The following FRAS1 variants were observed in gnomAD, a reference collection of about 807,000 sequenced individuals.
The protein encoded by FRAS1 is extracellular matrix organizing protein FRAS1.
FRAS1 carries 290 observed loss-of-function variants against 435.2 expected under a neutral mutation model. That is an observed-to-expected ratio of 0.67 (90% CI 0.61 to 0.73). The LOEUF (loss-of-function observed/expected upper bound fraction) is 0.73. Ranked by LOEUF, FRAS1 falls within the 30% of genes least tolerant of loss-of-function variation. The probability of loss-of-function intolerance (pLI) is 0.00; values close to 1 mark genes in which losing one functional copy is unlikely to be tolerated. For synonymous variants in FRAS1, 1,800 were observed against 1,851.0 expected, an observed-to-expected ratio of 0.97 and a Z score of 0.71; for missense variants, 4,860 against 5,001.5, an observed-to-expected ratio of 0.97 and a Z score of 0.85.
chr4:78,537,080 T>C lies in FRAS1; in HGVS notation c.11178T>C (p.Leu3726=), dbSNP rs373408305. The C allele has an allele frequency of 2.6e-5, 42 of 1,613,922 alleles. No homozygotes were observed. The African/African-American group carries it at 5.2e-4, about 20-fold the overall frequency. The change falls in exon 72 of 74, where the codon CTT becomes CTC. Residue 3726 remains leucine, a synonymous_variant. Coordinates refer to ENST00000512123, the MANE Select transcript of FRAS1 (RefSeq NM_025074.7). ...AACTCCAGCTGGAGAAAGTCTATCTTTGTACGGGCAAGGATGGTTATGTGC... is the reference window on the plus strand; with the variant it reads ...AACTCCAGCTGGAGAAAGTCTATCTCTGTACGGGCAAGGATGGTTATGTGC... The part of the protein sequence containing the change: ...AYKLQLEKVY[L]CTGKDGYVPF...
intron 2 of FRAS1, chr4:78,068,750 G>A: frequency 2.9e-6 from 1 of 344,176 alleles, no homozygotes; most frequent in Non-Finnish European, 5.7e-6. Context: ...ACAAGATTGA[G>A]AAAATATTTC....
chr4:78,355,721 C>T (rs964543527), intron 20 of FRAS1, among the ~76,000 whole-genome samples: 1 of 152,110 alleles, frequency 6.6e-6, no homozygotes, highest in Admixed American at 6.5e-5. Context: ...AAACAGTGAC[C>T]GTATACACTT....
At chr4:78,438,016 A>G (rs1734495208) in intron 38 of FRAS1, among the ~76,000 whole-genome samples, 1 of 151,986 alleles carries the variant, frequency 6.6e-6, no homozygotes, top group South Asian at 2.1e-4. Flanking sequence ...GACTTCATAC[A>G]TTCTTTTGTT....
intron 2 of FRAS1, among the ~76,000 whole-genome samples, chr4:78,172,748 G>C (rs974249656): frequency 2.0e-5 from 3 of 151,452 alleles, no homozygotes; most frequent in Non-Finnish European, 4.4e-5. Flanking sequence ...ATTTTTAAAA[G>C]TCACCATTTT....
At chr4:78,475,254 C>T (rs1037123457) in intron 53 of FRAS1, among the ~76,000 whole-genome samples, 184 bp from the exon 54 acceptor site, 17 of 152,216 alleles carry the variant, frequency 1.1e-4, no homozygotes, top group African/African-American at 3.6e-4. Context: ...CTGTTTGTTT[C>T]GTGCTCTGAT....
rs1190573842 is a variant in FRAS1, at chr4:78,066,020, G to A, written c.108+4G>A. 5.6e-6 allele frequency: 9 copies of A among 1,600,954 alleles called. No individual in the cohort carries two copies. The highest frequency in any genetic ancestry group is 7.7e-6 in the Non-Finnish European group (9 of 1,169,084). On this transcript the variant is annotated splice_donor_region_variant and intron_variant, in intron 2 of 73. Transcript: ENST00000512123. ...CTATCAGGATTCCTTGTTGGCGGTA[G>A]GTCATTCTTTACATACTTGGTTTCT...
At chr4:78,283,039 C>G in intron 12 of FRAS1, 72 bp downstream of exon 12, 4 of 1,163,814 alleles carry the variant, frequency 3.4e-6, no homozygotes, top group Non-Finnish European at 3.4e-6. Context: ...CTCTTCCCCA[C>G]CCCCTTGCTT....
At chr4:78,437,339 G>A (rs1734469162) in intron 38 of FRAS1, among the ~76,000 whole-genome samples, 1 of 152,184 alleles carries the variant, frequency 6.6e-6, no homozygotes, top group African/African-American at 2.4e-5. Flanking sequence ...GTCTCTCTCA[G>A]AGAGAACGCA....
chr4:78,199,400 C>G (rs1270137346), intron 2 of FRAS1, among the ~76,000 whole-genome samples: 2 of 152,130 alleles, frequency 1.3e-5, no homozygotes, highest in Non-Finnish European at 2.9e-5. Context: ...TCTTGATGAG[C>G]CTTCATGTAA....
chr4:78,358,646 TATA>T (rs1730958834), intron 20 of FRAS1, among the ~76,000 whole-genome samples: 1 of 152,302 alleles, frequency 6.6e-6, no homozygotes, highest in East Asian at 1.9e-4. Flanking sequence ...AAATGTAAAC[TATA>T]ATAATAATAT....
chr4:78,505,237 A>G (rs62310265), intron 61 of FRAS1, among the ~76,000 whole-genome samples: 71,886 of 151,772 alleles, frequency 0.47, 17,195 homozygotes, highest in South Asian at 0.58. Context: ...TACCTTTGTG[A>G]TGTTCTCTGT....
chr4:78,425,154 A>G (rs1733950892), intron 35 of FRAS1, among the ~76,000 whole-genome samples: 1 of 151,786 alleles, frequency 6.6e-6, no homozygotes, highest in African/African-American at 2.4e-5. Flanking sequence ...AAGAATGATT[A>G]TTGCTACATA....
Position 78,410,161 on chromosome 4 carries a change from G to A in FRAS1, c.4308+2320G>A, listed in dbSNP as rs1319143097. 2.6e-5 allele frequency among the ~76,000 whole-genome samples: 4 copies of A among 152,296 alleles called. 1 individual carries two copies. The South Asian group carries it at 6.2e-4, about 24-fold the overall frequency. ...AATCCTCAGATCTGCCTTTGCCTTC[G>A]TAGGGTGAGGAAGGAGAATGTTATC... is the stretch of plus-strand genomic sequence containing the variant. On this transcript the variant is annotated intron_variant, in intron 31 of 73. Coordinates refer to ENST00000512123, the MANE Select transcript of FRAS1 (RefSeq NM_025074.7).
At chr4:78,214,917 T>C (rs1269731071) in intron 2 of FRAS1, among the ~76,000 whole-genome samples, 1 of 152,200 alleles carries the variant, frequency 6.6e-6, no homozygotes, top group Admixed American at 6.5e-5. Flanking sequence ...CCAGTTGTTA[T>C]GATCTAGGAC....
intron 2 of FRAS1, among the ~76,000 whole-genome samples, chr4:78,076,016 T>C (rs1178755806): frequency 6.6e-6 from 1 of 152,170 alleles, no homozygotes; most frequent in Non-Finnish European, 1.5e-5. Flanking sequence ...AATCATTTGC[T>C]CTTGGATTCA....
At chr4:78,266,774 C>CT (rs1182771822) in intron 7 of FRAS1, 60 bp from the exon 8 acceptor site, 1 of 1,274,346 alleles carries the variant, frequency 7.8e-7, no homozygotes, top group African/African-American at 1.5e-5. Flanking sequence ...TGTGACAGTG[C>CT]TTCTATTTGA....
At chr4:78,476,887 T>G (rs1719867198) in intron 54 of FRAS1, among the ~76,000 whole-genome samples, 1 of 152,274 alleles carries the variant, frequency 6.6e-6, no homozygotes, top group South Asian at 2.1e-4. Context: ...TTCAGTTATC[T>G]CCGTTTACAC....
chr4:78,501,507 G>C (rs1720680591), intron 61 of FRAS1, among the ~76,000 whole-genome samples: 3 of 152,136 alleles, frequency 2.0e-5, no homozygotes, highest in Non-Finnish European at 4.4e-5. Flanking sequence ...GGGTCAAATG[G>C]TATTTCTGGT....
chr4:78,286,173 C>T (rs1727587937), intron 13 of FRAS1: 1 of 646,444 alleles, frequency 1.5e-6, no homozygotes. Context: ...ATAATATCTA[C>T]CTCCTAGGGT....
Sources: allele counts gnomAD v4.1 joint callset (sites outside exome capture counted in the v4.1 genomes callset), GRCh38; gene constraint gnomAD v4.1.1; transcripts MANE v1.5; gene names NCBI Gene and HGNC (gene_info 2026-07-23, HGNC 2026-07-21).